Variants in ABCA1 observed in about 807,000 individuals in gnomAD.
The protein encoded by ABCA1 is phospholipid-transporting ATPase ABCA1.
A neutral mutation model predicts 262.5 loss-of-function variants in ABCA1; 133 were observed. The ratio of observed to expected loss-of-function variants is 0.51; its 90% CI spans 0.44 to 0.59. ABCA1 has a LOEUF of 0.59. Among genes scored for constraint, ABCA1 ranks in the 20% least tolerant of loss-of-function variants. The probability of loss-of-function intolerance (pLI) is 0.00; values close to 1 mark genes in which losing one functional copy is unlikely to be tolerated. For synonymous variants in ABCA1, 1,022 were observed against 1,043.5 expected, an observed-to-expected ratio of 0.98 and a Z score of 0.40; for missense variants, 2,452 against 2,777.5, an observed-to-expected ratio of 0.88 and a Z score of 2.63.
At chr9:104,926,874 C>G (rs1371722027) in intron 1 of ABCA1, among the ~76,000 whole-genome samples, 4 of 152,220 alleles carry the variant, frequency 2.6e-5, no homozygotes, top group Non-Finnish European at 2.9e-5. Flanking sequence ...TTGGGCACCC[C>G]ACCTCCGGGT....
Position 104,796,331 on chromosome 9 carries a change from C to T in ABCA1, c.5215G>A (p.Ala1739Thr), listed in dbSNP as rs1030249332. ...TACCCATACAGCAAAAGTAGAAGGG[C>T]TAGCACAGGCAGATTGGTGGAGGAC... ...YVSSTNLPVL[A>T]LLLLLYGWSI... The change falls in exon 38 of 50, where the codon GCC becomes ACC. Residue 1739 changes from alanine to threonine, a missense_variant. Physicochemically the swap from Ala to Thr is moderately conservative, Grantham distance 58 (BLOSUM62 0). This residue lies in a region of ABCA1 where 752 missense variants were observed against 944.5 expected (regional missense o/e 0.80). Transcript: ENST00000374736. 8 of 1,614,082 alleles carry T rather than the reference C, an allele frequency of 5.0e-6. No individual in the cohort carries two copies. In the African/African-American group the frequency reaches 8.0e-5, roughly 16 times the overall value.
intron 38 of ABCA1, 37 bp from the exon 39 acceptor site, chr9:104,796,234 T>C: frequency 6.2e-7 from 1 of 1,613,694 alleles, no homozygotes. Flanking sequence ...CTACTGAGAG[T>C]CCCTGCCCTC....
In ABCA1 at chr9:104,885,927, C is replaced by T. The variant is rs150678280; in HGVS notation, c.161-1359G>A. On this transcript the variant is annotated intron_variant, in intron 3 of 49. Coordinates refer to ENST00000374736, the MANE Select transcript of ABCA1 (RefSeq NM_005502.4). The stretch of plus-strand genomic sequence containing the variant: ...TTGGAGTCAAACCAATTGGAATTCA[C>T]ATCCAGTCCCTGCAGCTTGCTAAGC... Among the ~76,000 whole-genome samples the T allele has an allele frequency of 3.5e-3, 529 of 152,328 alleles. 3 individuals carry two copies. The highest frequency in any genetic ancestry group is 0.012 in the African/African-American group (518 of 41,574).
rs1156735518 is a variant in ABCA1 at position 104,806,121 on chromosome 9, A to C, written c.4464+120T>G. On this transcript the variant is annotated intron_variant, in intron 31 of 49. Transcript: ENST00000374736. The stretch of plus-strand genomic sequence containing the variant: ...CTCCGCCTCAGAAAAAAAAACAAAA[A>C]ACAAAAAAGACTGAAACAGACCCTC... 1.0e-5 allele frequency: 12 copies of C among 1,165,366 alleles called. No homozygotes were observed. The East Asian group carries it at 2.1e-4, about 21-fold the overall frequency. The allele number at this position is 1,165,366 out of a possible 1,614,324, so 72.2% of individuals were successfully genotyped here.
At position 104,906,690 on chromosome 9, in the gene ABCA1, T is replaced by C. The variant is rs369065835; in HGVS notation, c.-92-2919A>G. 1.5e-3 allele frequency among the ~76,000 whole-genome samples: 213 copies of C among 144,536 alleles called. 1 individual carries two copies. The highest frequency in any genetic ancestry group is 5.3e-3 in the African/African-American group (205 of 38,368). 94.8% of individuals were successfully genotyped at this position (144,536 alleles called of 152,430 possible). A position where few individuals can be genotyped will look rare whatever the true frequency, so the allele number is the denominator to read the frequency against. On this transcript the variant is annotated intron_variant, in intron 1 of 49. Transcript: ENST00000374736. ...GCCCGGCCCCTTCTGCTCAGGTAAC[T>C]GAAGCCAAAGGGACATTTCCACATC...
intron 13 of ABCA1, 52 bp from the exon 14 acceptor site, chr9:104,831,153 A>G (rs1324693801): frequency 2.4e-6 from 3 of 1,259,172 alleles, no homozygotes; most frequent in South Asian, 1.4e-5. Context: ...ATACAATAAA[A>G]AAAAAAAAAA....
intron 4 of ABCA1, 72 bp downstream of exon 4, chr9:104,884,355 C>A (rs1427953339): frequency 6.3e-7 from 1 of 1,591,528 alleles, no homozygotes; most frequent in Non-Finnish European, 8.6e-7. Context: ...ATTCAAAATT[C>A]TCCAGAGGAC....
chr9:104,907,184 C>T (rs1445811660), intron 1 of ABCA1, among the ~76,000 whole-genome samples: 1 of 152,202 alleles, frequency 6.6e-6, no homozygotes, highest in Non-Finnish European at 1.5e-5. Context: ...GCTGCACGCT[C>T]TCCTACCACT....
chr9:104,809,426 C>G, intron 30 of ABCA1, 40 bp downstream of exon 30: 1 of 1,587,462 alleles, frequency 6.3e-7, no homozygotes, highest in Non-Finnish European at 8.6e-7. Flanking sequence ...AACCAGGCAA[C>G]AAGCACAAGA....
intron 32 of ABCA1, among the ~76,000 whole-genome samples, chr9:104,803,568 C>T (rs1352335746): frequency 6.6e-6 from 1 of 152,070 alleles, no homozygotes; most frequent in Non-Finnish European, 1.5e-5. Flanking sequence ...TACAAACCAC[C>T]TTATAGACCA....
intron 5 of ABCA1, among the ~76,000 whole-genome samples, chr9:104,866,140 A>T (rs1242452466): frequency 3.3e-5 from 5 of 152,230 alleles, no homozygotes; most frequent in Non-Finnish European, 2.9e-5. Flanking sequence ...TTTTGTGGTC[A>T]TAATGCTATG....
chr9:104,801,919 T>C (rs1830372615), intron 34 of ABCA1, 135 bp downstream of exon 34: 3 of 839,896 alleles, frequency 3.6e-6, no homozygotes, highest in Non-Finnish European at 6.0e-6. Context: ...AATCGCTAAA[T>C]GCCAAAGACG....
intron 5 of ABCA1, among the ~76,000 whole-genome samples, chr9:104,881,982 C>A (rs1025041675): frequency 4.9e-5 from 7 of 143,218 alleles, no homozygotes; most frequent in Admixed American, 1.6e-4. Flanking sequence ...TCCCACATTG[C>A]CCATTGCCTC....
At chr9:104,854,690 C>A (rs1835681082) in intron 7 of ABCA1, among the ~76,000 whole-genome samples, 1 of 152,158 alleles carries the variant, frequency 6.6e-6, no homozygotes, top group Non-Finnish European at 1.5e-5. Flanking sequence ...CCTTGCTGAG[C>A]AGCAAGACAA....
At chr9:104,846,639 C>T (rs1276619380) in intron 7 of ABCA1, among the ~76,000 whole-genome samples, 1 of 152,122 alleles carries the variant, frequency 6.6e-6, no homozygotes, top group African/African-American at 2.4e-5. Context: ...TCACAATATC[C>T]AAGCATAATC....
chr9:104,823,056 T>A (rs1407422432), intron 18 of ABCA1, among the ~76,000 whole-genome samples: 1 of 148,560 alleles, frequency 6.7e-6, no homozygotes, highest in Non-Finnish European at 1.5e-5. Context: ...AAGGGAATAC[T>A]GCTGAGTGAA....
chr9:104,925,500 A>G (rs971221052), intron 1 of ABCA1, among the ~76,000 whole-genome samples: 3 of 152,286 alleles, frequency 2.0e-5, no homozygotes, highest in East Asian at 3.9e-4. Flanking sequence ...TTACAGTCAG[A>G]TATGTCATTC....
intron 20 of ABCA1, among the ~76,000 whole-genome samples, chr9:104,820,334 G>C (rs1156739437): frequency 6.6e-6 from 1 of 152,212 alleles, no homozygotes; most frequent in Non-Finnish European, 1.5e-5. Context: ...GCACCAGGCA[G>C]TTACAACTTT....
intron 11 of ABCA1, among the ~76,000 whole-genome samples, chr9:104,835,264 GAA>G (rs1833712127): frequency 6.7e-6 from 1 of 149,888 alleles, no homozygotes; most frequent in South Asian, 2.1e-4. Flanking sequence ...AAAAAAAAGA[GAA>G]AGAGAGGGAA....
Sources: allele counts gnomAD v4.1 joint callset (sites outside exome capture counted in the v4.1 genomes callset), GRCh38; gene constraint gnomAD v4.1.1; regional missense constraint gnomAD v4.1.1; transcripts MANE v1.5; gene names NCBI Gene and HGNC (gene_info 2026-07-23, HGNC 2026-07-21).